Variants in SPIRE1 observed in about 807,000 individuals in gnomAD.
SPIRE1 encodes spire type actin nucleation factor 1.
A neutral mutation model predicts 94.1 loss-of-function variants in SPIRE1; 40 were observed. That is an observed-to-expected ratio of 0.43 (90% CI 0.33 to 0.55). SPIRE1 has a LOEUF of 0.55. Among genes scored for constraint, SPIRE1 ranks in the 20% least tolerant of loss-of-function variants. The pLI, the probability that SPIRE1 is intolerant of heterozygous loss-of-function variation, is 0.06. For synonymous variants in SPIRE1, 376 were observed against 371.7 expected, an observed-to-expected ratio of 1.01 and a Z score of -0.13; for missense variants, 838 against 975.2, an observed-to-expected ratio of 0.86 and a Z score of 1.87.
intron 2 of SPIRE1, among the ~76,000 whole-genome samples, chr18:12,630,320 T>C (rs1251404323): frequency 3.3e-5 from 5 of 152,144 alleles, no homozygotes; most frequent in Non-Finnish European, 7.3e-5. Context: ...GAATGACACA[T>C]AATATGCTGC....
chr18:12,583,114 C>T (rs1428138525), intron 2 of SPIRE1, among the ~76,000 whole-genome samples: 40 of 152,090 alleles, frequency 2.6e-4, no homozygotes. Context: ...TTGGATGAAA[C>T]ATGACAGATG....
intron 16 of SPIRE1, chr18:12,450,651 T>A: frequency 1.6e-6 from 1 of 613,898 alleles, no homozygotes; most frequent in Non-Finnish European, 2.9e-6. Flanking sequence ...GTGGATAAAG[T>A]ACACTACCAC....
chr18:12,588,667 C>T (rs957707157), intron 2 of SPIRE1, among the ~76,000 whole-genome samples: 2 of 148,150 alleles, frequency 1.3e-5, no homozygotes, highest in Admixed American at 1.4e-4. Flanking sequence ...GACCTTATTT[C>T]TTACTACTCC....
intron 2 of SPIRE1, among the ~76,000 whole-genome samples, chr18:12,602,874 G>A (rs1449700446): frequency 6.6e-6 from 1 of 152,184 alleles, no homozygotes. Context: ...CATAAGAATG[G>A]TCAACGGCCT....
chr18:12,632,204 CCT>C (rs775799064), intron 2 of SPIRE1, among the ~76,000 whole-genome samples: 10 of 152,122 alleles, frequency 6.6e-5, no homozygotes, highest in Non-Finnish European at 1.5e-4. Context: ...TTGCAGATCC[CCT>C]GAGAGGGTCT....
chr18:12,531,035 C>T (rs539928809), intron 4 of SPIRE1, among the ~76,000 whole-genome samples: 50 of 152,146 alleles, frequency 3.3e-4, no homozygotes, highest in Non-Finnish European at 6.8e-4. Flanking sequence ...CTATGATACT[C>T]TATCTTTTCT....
At position 12,449,630 on chromosome 18, in the gene SPIRE1, C is replaced by A; in HGVS notation, c.*8G>T. 1 of 1,612,040 alleles carries A rather than the reference C, an allele frequency of 6.2e-7. No individual in the cohort carries two copies. The highest frequency in any genetic ancestry group is 1.1e-5 in the South Asian group (1 of 90,956). On this transcript the variant is annotated 3_prime_UTR_variant, in exon 17 of 17. Coordinates refer to ENST00000409402, the MANE Select transcript of SPIRE1 (RefSeq NM_001128626.2). ...TCGTAGCACAAAAGCAGCTGAAAGG[C>A]ACGAGGCTCAGATCTCACTGATCGT...
At chr18:12,643,966 C>T (rs2038151986) in intron 1 of SPIRE1, among the ~76,000 whole-genome samples, 1 of 148,430 alleles carries the variant, frequency 6.7e-6, no homozygotes, top group Non-Finnish European at 1.5e-5. Context: ...GGGGTGGGGG[C>T]GCGAATCATT....
chr18:12,596,009 C>G (rs780359866), intron 2 of SPIRE1, among the ~76,000 whole-genome samples: 21 of 152,184 alleles, frequency 1.4e-4, no homozygotes, highest in Non-Finnish European at 2.4e-4. Flanking sequence ...TGTACTAAAC[C>G]TGCTCTACAA....
intron 2 of SPIRE1, among the ~76,000 whole-genome samples, chr18:12,634,271 AAAT>A (rs71174116): frequency 5.0e-4 from 74 of 147,846 alleles, no homozygotes; most frequent in Non-Finnish European, 9.3e-4. Flanking sequence ...AAAAAAAAAA[AAAT>A]AATAATAATA....
At chr18:12,579,025 A>G (rs145649977) in intron 2 of SPIRE1, among the ~76,000 whole-genome samples, 31 of 152,282 alleles carry the variant, frequency 2.0e-4, no homozygotes, top group African/African-American at 7.5e-4. Context: ...AGAAACATTC[A>G]ATTTTGGAAA....
At chr18:12,572,463 T>G (rs1258148045) in intron 2 of SPIRE1, among the ~76,000 whole-genome samples, 1 of 151,958 alleles carries the variant, frequency 6.6e-6, no homozygotes, top group Non-Finnish European at 1.5e-5. Flanking sequence ...AATTAGAAAA[T>G]TACCCAGGCA....
At chr18:12,470,722 G>C (rs1345479105) in intron 10 of SPIRE1, among the ~76,000 whole-genome samples, 2 of 152,144 alleles carry the variant, frequency 1.3e-5, no homozygotes, top group Admixed American at 1.3e-4. Context: ...ATCACTTTTT[G>C]CTTATCTGGG....
intron 2 of SPIRE1, among the ~76,000 whole-genome samples, chr18:12,631,568 A>AC (rs2037780223): frequency 6.7e-6 from 1 of 149,860 alleles, no homozygotes; most frequent in African/African-American, 2.5e-5. Context: ...AAAAAAAAAA[A>AC]AAAAAAACAT....
At chr18:12,510,362 T>A (rs1214317874) in intron 5 of SPIRE1, among the ~76,000 whole-genome samples, 2 of 152,174 alleles carry the variant, frequency 1.3e-5, no homozygotes, top group African/African-American at 4.8e-5. Flanking sequence ...ATTTTAAATA[T>A]GTGCAGCTTA....
chr18:12,548,101 C>T lies in SPIRE1; in HGVS notation c.373-1197G>A, dbSNP rs78195999. On this transcript the variant is annotated intron_variant, in intron 2 of 16. Transcript: ENST00000409402. ...TCCATTTAATAAGATTCTGTTGAGA[C>T]TATGCATTCACTATGCATGGAAGTA... Among the ~76,000 whole-genome samples, 1,429 of 152,286 alleles carry T rather than the reference C, an allele frequency of 9.4e-3. 31 individuals carry two copies. Among genetic ancestry groups the T allele is most frequent in the African/African-American group, 0.033 (1,381 of 41,548 alleles).
chr18:12,568,723 A>G (rs1254187383), intron 2 of SPIRE1, among the ~76,000 whole-genome samples: 1 of 152,224 alleles, frequency 6.6e-6, no homozygotes, highest in Non-Finnish European at 1.5e-5. Flanking sequence ...ATATCTTCAC[A>G]TTATTTTATA....
chr18:12,575,538 G>A lies in SPIRE1; in HGVS notation c.373-28634C>T, dbSNP rs141393250. Among the ~76,000 whole-genome samples, 65 of 152,206 alleles carry A rather than the reference G, an allele frequency of 4.3e-4. No homozygotes were observed. The East Asian group carries it at 0.011, about 26-fold the overall frequency. The stretch of plus-strand genomic sequence containing the variant: ...ATTTTTGTATTTTTTTGTAGTGATG[G>A]GGTCTTGCTATGTTACCCAGGCTGG... On this transcript the variant is annotated intron_variant, in intron 2 of 16. Coordinates refer to ENST00000409402, the MANE Select transcript of SPIRE1 (RefSeq NM_001128626.2).
intron 10 of SPIRE1, among the ~76,000 whole-genome samples, chr18:12,472,511 G>T (rs563145443): frequency 1.3e-5 from 2 of 151,686 alleles, no homozygotes; most frequent in South Asian, 4.2e-4. Flanking sequence ...GCGATTACAG[G>T]GATATGCCAC....
Sources: allele counts gnomAD v4.1 joint callset (sites outside exome capture counted in the v4.1 genomes callset), GRCh38; gene constraint gnomAD v4.1.1; transcripts MANE v1.5; gene names NCBI Gene and HGNC (gene_info 2026-07-23, HGNC 2026-07-21).